ASIC2: variants seen among roughly 807,000 people sequenced by gnomAD.
ASIC2 encodes acid-sensing ion channel 2.
In ASIC2, 25 loss-of-function variants were observed where a neutral mutation model predicts 57.3. That is an observed-to-expected ratio of 0.44 (90% CI 0.32 to 0.61). The LOEUF (loss-of-function observed/expected upper bound fraction) is 0.61, where lower values mean the gene tolerates loss of function less well. Among genes scored for constraint, ASIC2 ranks in the 20% least tolerant of loss-of-function variants. ASIC2 has a pLI of 0.06. For synonymous variants in ASIC2, 319 were observed against 307.5 expected (o/e 1.04, Z -0.39); for missense variants, 641 against 738.1 (o/e 0.87, Z 1.52).
At chr17:33,592,887 A>G (rs1904866650) in intron 1 of ASIC2, among the ~76,000 whole-genome samples, 1 of 152,200 alleles carries the variant, frequency 6.6e-6, no homozygotes, top group African/African-American at 2.4e-5. Context: ...TTCAGAATCC[A>G]TCTCTTCTTT....
At chr17:33,520,001 CAG>C (rs1287340784) in intron 1 of ASIC2, among the ~76,000 whole-genome samples, 4 of 152,198 alleles carry the variant, frequency 2.6e-5, no homozygotes, top group African/African-American at 9.7e-5. Flanking sequence ...GCCCAGGAAT[CAG>C]AGAAACAAAT....
intron 1 of ASIC2, among the ~76,000 whole-genome samples, chr17:33,240,521 G>A (rs932805871): frequency 6.6e-6 from 1 of 152,156 alleles, no homozygotes; most frequent in Non-Finnish European, 1.5e-5. Flanking sequence ...GCAAATATTG[G>A]CCTCATCTCC....
chr17:33,404,074 G>A (rs116342099), intron 1 of ASIC2, among the ~76,000 whole-genome samples: 2,521 of 152,256 alleles, frequency 0.017, 35 homozygotes, highest in African/African-American at 0.04. Context: ...AGAGATATTC[G>A]TGTTTAAAAG....
chr17:34,020,283 C>T (rs527894349), intron 1 of ASIC2, among the ~76,000 whole-genome samples: 1 of 152,288 alleles, frequency 6.6e-6, no homozygotes, highest in Admixed American at 6.5e-5. Flanking sequence ...GAATAAATGG[C>T]TCCACTCCGC....
At chr17:33,621,225 G>A (rs188464279) in intron 1 of ASIC2, among the ~76,000 whole-genome samples, 12 of 152,264 alleles carry the variant, frequency 7.9e-5, no homozygotes, top group East Asian at 7.7e-4. Flanking sequence ...TAACTATAAC[G>A]TAAGTAATAT....
At chr17:33,915,517 G>A (rs575148973) in intron 1 of ASIC2, among the ~76,000 whole-genome samples, 2 of 152,268 alleles carry the variant, frequency 1.3e-5, no homozygotes, top group South Asian at 4.1e-4. Flanking sequence ...CATTTAAGAT[G>A]ACTTTTGCCC....
At chr17:33,699,353 C>A (rs1908626623) in intron 1 of ASIC2, among the ~76,000 whole-genome samples, 1 of 152,134 alleles carries the variant, frequency 6.6e-6, no homozygotes. Flanking sequence ...TGAACAGAGC[C>A]CCTCATGTCT....
intron 1 of ASIC2, among the ~76,000 whole-genome samples, chr17:33,148,482 T>C (rs1318831254): frequency 6.6e-6 from 1 of 152,200 alleles, no homozygotes; most frequent in Non-Finnish European, 1.5e-5. Flanking sequence ...CAATGCATCA[T>C]TTCCAAAGTG....
intron 1 of ASIC2, among the ~76,000 whole-genome samples, chr17:33,433,468 A>G (rs1215430498): frequency 6.6e-6 from 1 of 152,210 alleles, no homozygotes; most frequent in African/African-American, 2.4e-5. Context: ...TAATACCTTG[A>G]TGACCGGCCA....
At position 33,111,911 on chromosome 17, in the gene ASIC2, G is replaced by C; in HGVS notation, c.859+6C>G. On this transcript the variant is annotated splice_donor_region_variant and intron_variant, in intron 2 of 9. Coordinates refer to ENST00000225823, the MANE Select transcript of ASIC2 (RefSeq NM_183377.2). ...ACCCAATGCCCGGTCCCTGTGCCCA[G>C]CTCACCTGTCTCTCCCCAGATGGGC... 1.2e-6 allele frequency: 2 copies of C among 1,608,968 alleles called. No homozygotes were observed. The highest frequency in any genetic ancestry group is 1.7e-6 in the Non-Finnish European group (2 of 1,177,610).
chr17:33,458,812 T>C (rs1039802526), intron 1 of ASIC2, among the ~76,000 whole-genome samples: 2 of 152,204 alleles, frequency 1.3e-5, no homozygotes, highest in Admixed American at 1.3e-4. Flanking sequence ...AATGACTTCT[T>C]TGGTGAGGAA....
At chr17:33,953,086 A>G (rs1044704919) in intron 1 of ASIC2, among the ~76,000 whole-genome samples, 1 of 152,232 alleles carries the variant, frequency 6.6e-6, no homozygotes, top group Non-Finnish European at 1.5e-5. Flanking sequence ...CACAAATATT[A>G]GAAACAAAAC....
chr17:34,037,645 C>A lies in ASIC2; in HGVS notation c.555+118333G>T, dbSNP rs577871993. The A allele has an allele frequency of 2.1e-5, 34 of 1,608,810 alleles. No homozygotes were observed. In the African/African-American group the frequency reaches 3.9e-4, roughly 18 times the overall value. On this transcript the variant is annotated intron_variant, in intron 1 of 9. Transcript: ENST00000359872. ...CTCAATTAGAAGAACTGTTATTGGA[C>A]GCCCCAGAGGTTGATGCAATAGCAG...
intron 1 of ASIC2, among the ~76,000 whole-genome samples, chr17:33,128,533 A>G (rs956399377): frequency 2.0e-5 from 3 of 152,118 alleles, no homozygotes; most frequent in Non-Finnish European, 4.4e-5. Flanking sequence ...GCAGGAGGGA[A>G]GTTGGCAGGA....
chr17:33,107,396 A>G lies in ASIC2; in HGVS notation c.859+4521T>C, dbSNP rs182757565. On this transcript the variant is annotated intron_variant, in intron 2 of 9. Transcript: ENST00000225823. ...ATTCCTGCAATGAATAAATGTGTTT[A>G]ATATTTTTTAACCAGAATTCCCTAA... 1.6e-4 allele frequency among the ~76,000 whole-genome samples: 25 copies of G among 152,352 alleles called. No individual in the cohort carries two copies. The East Asian group carries it at 4.4e-3, about 27-fold the overall frequency.
intron 3 of ASIC2, among the ~76,000 whole-genome samples, chr17:33,060,605 G>A (rs2092016940): frequency 6.6e-6 from 1 of 152,184 alleles, no homozygotes; most frequent in African/African-American, 2.4e-5. Flanking sequence ...GATGCCTTCA[G>A]CTTTGTTCTT....
intron 1 of ASIC2, among the ~76,000 whole-genome samples, chr17:33,878,185 A>C (rs983520977): frequency 2.0e-5 from 3 of 152,214 alleles, no homozygotes; most frequent in African/African-American, 4.8e-5. Flanking sequence ...ACTGAAAATT[A>C]TAAAAATCAG....
intron 1 of ASIC2, among the ~76,000 whole-genome samples, chr17:33,754,386 A>T (rs1310640572): frequency 6.6e-6 from 1 of 152,042 alleles, no homozygotes; most frequent in Non-Finnish European, 1.5e-5. Context: ...AGACACTCCG[A>T]TAAAGCTATG....
intron 1 of ASIC2, among the ~76,000 whole-genome samples, chr17:33,879,743 C>A (rs139645349): frequency 3.9e-5 from 6 of 152,180 alleles, no homozygotes; most frequent in Non-Finnish European, 7.3e-5. Flanking sequence ...TTCAGCTCCG[C>A]ACCAAGCGGA....
Sources: allele counts gnomAD v4.1 joint callset (sites outside exome capture counted in the v4.1 genomes callset), GRCh38; gene constraint gnomAD v4.1.1; transcripts MANE v1.5; gene names NCBI Gene and HGNC (gene_info 2026-07-23, HGNC 2026-07-21).